RTN1: variants seen among roughly 807,000 people sequenced by gnomAD.
RTN1 encodes the protein reticulon-1.
Under a neutral mutation model 65.5 loss-of-function variants are expected in RTN1, and 25 were observed. The ratio of observed to expected loss-of-function variants is 0.38; its 90% confidence interval spans 0.28 to 0.53. The LOEUF (loss-of-function observed/expected upper bound fraction) is 0.53, where lower values mean the gene tolerates loss of function less well. Ranked by LOEUF, RTN1 falls within the 20% of genes least tolerant of loss-of-function variation. The probability of loss-of-function intolerance (pLI) is 0.79; values close to 1 mark genes in which losing one functional copy is unlikely to be tolerated. For synonymous variants in RTN1, 471 were observed against 447.6 expected (o/e 1.05, Z -0.66); for missense variants, 983 against 1,025.4 (o/e 0.96, Z 0.57).
chr14:59,700,701 T>C (rs980741703), intron 3 of RTN1, among the ~76,000 whole-genome samples: 3 of 152,036 alleles, frequency 2.0e-5, no homozygotes, highest in Non-Finnish European at 4.4e-5. Context: ...TCATACCACA[T>C]ACAAAAATTA....
chr14:59,612,126 T>A (rs1881969187), intron 3 of RTN1, among the ~76,000 whole-genome samples: 1 of 152,242 alleles, frequency 6.6e-6, no homozygotes, highest in African/African-American at 2.4e-5. Flanking sequence ...ATGAGGTGAC[T>A]AATGTCTGTT....
intron 8 of RTN1, among the ~76,000 whole-genome samples, chr14:59,600,713 T>C (rs80231570): frequency 0.06 from 9,158 of 152,270 alleles, 352 homozygotes; most frequent in Non-Finnish European, 0.087. Flanking sequence ...AGTTTCTCTT[T>C]TTGTCCTAGC....
At chr14:59,749,662 T>TTTAC (rs1491146972) in intron 1 of RTN1, among the ~76,000 whole-genome samples, 1 of 92,128 alleles carries the variant, frequency 1.1e-5, no homozygotes, top group Non-Finnish European at 1.8e-5. Context: ...TATAGATATC[T>TTTAC]ATATATATTT....
intron 2 of RTN1, among the ~76,000 whole-genome samples, chr14:59,741,956 ACT>A: frequency 1.3e-5 from 2 of 151,952 alleles, no homozygotes; most frequent in Admixed American, 1.3e-4. Context: ...ATAAAATTAC[ACT>A]GTTTATTTAT....
chr14:59,870,756 C>T lies in RTN1; in HGVS notation c.-126G>A. 5 of 1,065,266 alleles carry T rather than the reference C, an allele frequency of 4.7e-6. No homozygotes were observed. Among genetic ancestry groups the T allele is most frequent in the Non-Finnish European group, 6.0e-6 (5 of 832,412 alleles). The allele number at this position is 1,065,266 out of a possible 1,614,324, so 66.0% of individuals were successfully genotyped here. On this transcript the variant is annotated 5_prime_UTR_variant, in exon 1 of 9. Transcript: ENST00000267484. The surrounding 1 kb of genome is among the most constrained non-coding windows in gnomAD (Gnocchi z 5.1). ...CAGGGAAGCTGCGGTGTCTCAGCGT[C>T]GCCGCCGCCTCTGCTGCAACTCCGC...
At chr14:59,713,987 G>T (rs571740682) in intron 3 of RTN1, among the ~76,000 whole-genome samples, 9 of 152,128 alleles carry the variant, frequency 5.9e-5, no homozygotes, top group Admixed American at 1.3e-4. Flanking sequence ...TGTAATCCCA[G>T]CACCTTGGGA....
At chr14:59,669,327 T>A (rs1185018932) in intron 3 of RTN1, among the ~76,000 whole-genome samples, 2 of 152,028 alleles carry the variant, frequency 1.3e-5, no homozygotes. Context: ...GAGTTGGAAA[T>A]CATCATTCTC....
intron 1 of RTN1, among the ~76,000 whole-genome samples, chr14:59,809,717 A>G (rs77077790): frequency 0.012 from 1,855 of 152,288 alleles, 34 homozygotes; most frequent in African/African-American, 0.041. Flanking sequence ...AGGACTTTTC[A>G]TGTGAAAGTC....
chr14:59,831,888 G>C (rs1356488623), intron 1 of RTN1, among the ~76,000 whole-genome samples: 2 of 152,042 alleles, frequency 1.3e-5, no homozygotes, highest in Non-Finnish European at 2.9e-5. Context: ...AGTCAAGGCA[G>C]CTTGAGGCAA....
intron 3 of RTN1, among the ~76,000 whole-genome samples, chr14:59,701,145 A>C (rs1884170027): frequency 6.6e-6 from 1 of 152,220 alleles, no homozygotes; most frequent in Non-Finnish European, 1.5e-5. Context: ...TAAAATGCAA[A>C]TCAAAACCAC....
chr14:59,754,723 T>C (rs1594726162), intron 1 of RTN1, among the ~76,000 whole-genome samples: 1 of 152,278 alleles, frequency 6.6e-6, no homozygotes, highest in East Asian at 1.9e-4. Context: ...ACACTACTCA[T>C]CTCCAACATA....
intron 1 of RTN1, among the ~76,000 whole-genome samples, chr14:59,857,045 G>T (rs1594769426): frequency 6.6e-6 from 1 of 152,236 alleles, no homozygotes; most frequent in African/African-American, 2.4e-5. Flanking sequence ...CTCAGTCAGG[G>T]CTCATTCTGT....
intron 1 of RTN1, among the ~76,000 whole-genome samples, chr14:59,789,856 CA>C (rs1018579990): frequency 2.8e-4 from 43 of 151,434 alleles, no homozygotes; most frequent in South Asian, 6.3e-4. Context: ...TGATAGGTAT[CA>C]AAAAAACAAA....
chr14:59,662,839 G>T (rs1014513532), intron 3 of RTN1, among the ~76,000 whole-genome samples: 1 of 152,108 alleles, frequency 6.6e-6, no homozygotes, highest in African/African-American at 2.4e-5. Context: ...TGGCCATACT[G>T]CCCAAAGTAA....
At chr14:59,758,380 T>A (rs1885681870) in intron 1 of RTN1, among the ~76,000 whole-genome samples, 1 of 152,204 alleles carries the variant, frequency 6.6e-6, no homozygotes, top group East Asian at 1.9e-4. Context: ...GGCTTAGAAT[T>A]CAGGATCCTC....
intron 1 of RTN1, among the ~76,000 whole-genome samples, chr14:59,780,919 C>A (rs1032295409): frequency 1.5e-4 from 23 of 152,174 alleles, no homozygotes; most frequent in African/African-American, 5.3e-4. Context: ...GGAAGCCCCC[C>A]AAATTCTGAT....
Position 59,852,609 on chromosome 14 carries a change from C to A in RTN1, c.241+17781G>T, listed in dbSNP as rs865891086. ...CACTTATCTGGGCAATGAAGATTCA[C>A]ATAGACCCATCATTAAGCCCTTCTC... On this transcript the variant is annotated intron_variant, in intron 1 of 8. Transcript: ENST00000267484. Among the ~76,000 whole-genome samples, 24 of 152,306 alleles carry A rather than the reference C, an allele frequency of 1.6e-4. No individual in the cohort carries two copies. In the Middle Eastern group the frequency reaches 0.01, roughly 65 times the overall value.
intron 1 of RTN1, among the ~76,000 whole-genome samples, chr14:59,764,750 T>G (rs1178588338): frequency 6.6e-6 from 1 of 152,056 alleles, no homozygotes; most frequent in Non-Finnish European, 1.5e-5. Context: ...ATTTGGAGAG[T>G]TGTAGACATT....
intron 1 of RTN1, among the ~76,000 whole-genome samples, chr14:59,850,905 T>C (rs1233119043): frequency 2.6e-5 from 4 of 152,234 alleles, no homozygotes; most frequent in Non-Finnish European, 5.9e-5. Flanking sequence ...CTTTTATCAC[T>C]GTTTTTACAA....
Sources: allele counts gnomAD v4.1 joint callset (sites outside exome capture counted in the v4.1 genomes callset), GRCh38; gene constraint gnomAD v4.1.1; non-coding constraint Gnocchi (gnomAD v3.1); transcripts MANE v1.5; gene names NCBI Gene and HGNC (gene_info 2026-07-23, HGNC 2026-07-21).